GLRX3: variants seen among roughly 807,000 people sequenced by gnomAD.
GLRX3 encodes the protein glutaredoxin-3.
In GLRX3, 22 loss-of-function variants were observed where a neutral mutation model predicts 49.5. The observed-to-expected ratio is 0.44, with a 90% CI of 0.32 to 0.63. The LOEUF is 0.63. Ranked by LOEUF, GLRX3 falls within the 30% of genes least tolerant of loss-of-function variation. The probability of loss-of-function intolerance (pLI) is 0.05; values close to 1 mark genes in which losing one functional copy is unlikely to be tolerated. For synonymous variants in GLRX3, 133 were observed against 140.0 expected (o/e 0.95, Z 0.35); for missense variants, 385 against 396.3 (o/e 0.97, Z 0.24).
chr10:130,166,435 A>C (rs1862690710), intron 4 of GLRX3, 72 bp from the exon 5 acceptor site: 4 of 1,073,872 alleles, frequency 3.7e-6, no homozygotes, highest in Non-Finnish European at 5.6e-6. Flanking sequence ...TGTACGCTGA[A>C]CTAATGTATT....
At chr10:130,175,121 C>T (rs371803576) in intron 10 of GLRX3, 32 bp downstream of exon 10, 260 of 1,209,138 alleles carry the variant, frequency 2.2e-4, no homozygotes, top group Admixed American at 6.7e-4. Flanking sequence ...TTCTAAAGAA[C>T]GGAAAAGATT....
intron 2 of GLRX3, among the ~76,000 whole-genome samples, chr10:130,152,611 G>C (rs1862398812): frequency 6.6e-6 from 1 of 152,078 alleles, no homozygotes; most frequent in African/African-American, 2.4e-5. Flanking sequence ...AATTCTTTAA[G>C]AATGTTGAAT....
chr10:130,160,851 A>T lies in GLRX3; in HGVS notation c.332A>T (p.Lys111Ile). ...DGAHAPELTK[K>I]VQRHASSGSF... ...GCACATGCCCCAGAGTTGACCAAAA[A>T]AGTTCAGCGACATGCATCTAGTGGC... The change falls in exon 4 of 11, where the codon AAA becomes ATA. Residue 111 changes from lysine to isoleucine, a missense_variant. By Grantham distance (102) the Lys-to-Ile change is moderately radical. This residue lies in a region of GLRX3 where 374 missense variants were observed against 358.6 expected (regional missense o/e 1.04). Transcript: ENST00000331244. 1 of 1,611,506 alleles carries T rather than the reference A, an allele frequency of 6.2e-7. No individual in the cohort carries two copies. The highest frequency in any genetic ancestry group is 8.5e-7 in the Non-Finnish European group (1 of 1,177,608).
intron 2 of GLRX3, among the ~76,000 whole-genome samples, chr10:130,156,735 T>C (rs1862478145): frequency 6.6e-6 from 1 of 152,224 alleles, no homozygotes; most frequent in Non-Finnish European, 1.5e-5. Context: ...TGGATTTACC[T>C]GATGCCTCCC....
rs1590077856 is a variant in GLRX3, at chr10:130,179,619, A to G, written c.*227A>G. 2.1e-6 allele frequency: 1 copy of G among 483,982 alleles called. No homozygotes were observed. The highest frequency in any genetic ancestry group is 3.7e-6 in the Non-Finnish European group (1 of 270,594). The allele number at this position is 483,982 out of a possible 1,614,324, so 30.0% of individuals were successfully genotyped here. On this transcript the variant is annotated 3_prime_UTR_variant, in exon 11 of 11. Coordinates refer to ENST00000331244, the MANE Select transcript of GLRX3 (RefSeq NM_006541.5). Reference sequence around the variant, plus strand: ...TCAAATTATTAACAATAATTGTATGAAAAAAGTGTATCTTTACAGCAGTAT... The same window carrying G: ...TCAAATTATTAACAATAATTGTATGGAAAAAGTGTATCTTTACAGCAGTAT...
intron 2 of GLRX3, 93 bp from the exon 3 acceptor site, chr10:130,159,902 C>A: frequency 7.9e-7 from 1 of 1,262,802 alleles, no homozygotes; most frequent in Non-Finnish European, 1.1e-6. Flanking sequence ...ATGCCAGCTA[C>A]TTGAAGGGAT....
chr10:130,175,317 G>C (rs902354440), intron 10 of GLRX3, among the ~76,000 whole-genome samples: 1 of 152,138 alleles, frequency 6.6e-6, no homozygotes, highest in African/African-American at 2.4e-5. Context: ...GCTAACCATT[G>C]CATCTCCTTT....
At chr10:130,170,151 G>A (rs926322519) in intron 7 of GLRX3, among the ~76,000 whole-genome samples, 1 of 152,206 alleles carries the variant, frequency 6.6e-6, no homozygotes, top group Non-Finnish European at 1.5e-5. Flanking sequence ...ATCATATTTT[G>A]TAATTTTCAT....
At chr10:130,149,228 T>C (rs1862324834) in intron 2 of GLRX3, among the ~76,000 whole-genome samples, 1 of 152,058 alleles carries the variant, frequency 6.6e-6, no homozygotes, top group Non-Finnish European at 1.5e-5. Flanking sequence ...TTTCTATCAC[T>C]AAAAGGAGTT....
At chr10:130,136,548 G>A (rs889550470) in intron 1 of GLRX3, 36 bp downstream of exon 1, 1 of 1,248,996 alleles carries the variant, frequency 8.0e-7, no homozygotes, top group African/African-American at 1.5e-5. Context: ...GTGAGGAGCC[G>A]GAGCGGGAGC....
At chr10:130,151,854 C>T (rs59616397) in intron 2 of GLRX3, among the ~76,000 whole-genome samples, 2,785 of 152,246 alleles carry the variant, frequency 0.018, 98 homozygotes, top group African/African-American at 0.064. Context: ...GTAGATCTTC[C>T]TCCATCCCTT....
At chr10:130,144,804 A>T (rs1464912000) in intron 1 of GLRX3, among the ~76,000 whole-genome samples, 1 of 152,194 alleles carries the variant, frequency 6.6e-6, no homozygotes, top group African/African-American at 2.4e-5. Flanking sequence ...AATGATTTAT[A>T]ATCTTTTGGG....
chr10:130,142,315 C>G (rs1321185426), intron 1 of GLRX3, among the ~76,000 whole-genome samples: 1 of 152,150 alleles, frequency 6.6e-6, no homozygotes, highest in Non-Finnish European at 1.5e-5. Flanking sequence ...CCCAAGCCCT[C>G]CTTCCACTCT....
At chr10:130,150,257 A>G (rs112729435) in intron 2 of GLRX3, among the ~76,000 whole-genome samples, 2,953 of 148,052 alleles carry the variant, frequency 0.02, 115 homozygotes, top group African/African-American at 0.069. Context: ...AAAAAAAAAG[A>G]AAGAAAGAAA....
At chr10:130,168,669 G>C (rs72838224) in intron 6 of GLRX3, among the ~76,000 whole-genome samples, 14,318 of 152,120 alleles carry the variant, frequency 0.094, 842 homozygotes, top group Non-Finnish European at 0.12. Flanking sequence ...GGATGGTCTT[G>C]ATCTCCTGAC....
At chr10:130,142,369 C>G (rs1052806517) in intron 1 of GLRX3, among the ~76,000 whole-genome samples, 1 of 152,190 alleles carries the variant, frequency 6.6e-6, no homozygotes, top group Non-Finnish European at 1.5e-5. Context: ...CTTACCCATT[C>G]TTAATTCCTT....
At chr10:130,160,186 C>T in intron 3 of GLRX3, 117 bp downstream of exon 3, 2 of 664,010 alleles carry the variant, frequency 3.0e-6, no homozygotes. Context: ...TGTTTCTGGC[C>T]CTCCACCTTT....
chr10:130,179,463 T>A lies in GLRX3; in HGVS notation c.*71T>A. ...ACATTGGGAGCAGTTCATGATTTAG[T>A]CCTCAGAAATGGACTAGGAATAGAA... On this transcript the variant is annotated 3_prime_UTR_variant, in exon 11 of 11. Coordinates refer to ENST00000331244, the MANE Select transcript of GLRX3 (RefSeq NM_006541.5). The A allele has an allele frequency of 1.3e-6, 1 of 789,308 alleles. No homozygotes were observed. Among genetic ancestry groups the A allele is most frequent in the Non-Finnish European group, 2.1e-6 (1 of 473,396 alleles). The allele number at this position is 789,308 out of a possible 1,614,324, so 48.9% of individuals were successfully genotyped here. A position where few individuals can be genotyped will look rare whatever the true frequency, so the allele number is the denominator to read the frequency against.
chr10:130,173,147 A>C (rs1862846780), intron 8 of GLRX3, among the ~76,000 whole-genome samples: 1 of 152,096 alleles, frequency 6.6e-6, no homozygotes, highest in Non-Finnish European at 1.5e-5. Flanking sequence ...TGAGACACAC[A>C]CAGTCCATCC....
Sources: gnomAD v4.1 joint callset for allele counts (sites outside exome capture counted in the v4.1 genomes callset) on GRCh38, gnomAD v4.1.1 for gene constraint, gnomAD v4.1.1 regional missense constraint, MANE v1.5 for transcripts, NCBI Gene and HGNC (gene_info 2026-07-23, HGNC 2026-07-21) for gene names.